Variants in CES5A observed in about 807,000 individuals in gnomAD.
CES5A encodes the protein carboxylesterase 5A.
CES5A carries 67 observed loss-of-function variants against 62.9 expected under a neutral mutation model. The ratio of observed to expected loss-of-function variants is 1.07; its 90% CI spans 0.88 to 1.31. CES5A has a LOEUF of 1.31. Ranked by LOEUF, CES5A falls within the 50% of genes most tolerant of loss-of-function variation. CES5A has a pLI of 0.00. For synonymous variants in CES5A, 296 were observed against 280.8 expected, an observed-to-expected ratio of 1.05 and a Z score of -0.54; for missense variants, 748 against 708.5, an observed-to-expected ratio of 1.06 and a Z score of -0.63.
chr16:55,893,034 C>T (rs2033897223), intron 1 of CES5A, among the ~76,000 whole-genome samples: 1 of 152,162 alleles, frequency 6.6e-6, no homozygotes, highest in Admixed American at 6.5e-5. Context: ...ATGCCAAATA[C>T]AGCCTTCTGG....
chr16:55,872,920 T>C (rs56096019), intron 2 of CES5A, among the ~76,000 whole-genome samples: 3,893 of 152,268 alleles, frequency 0.026, 174 homozygotes, highest in African/African-American at 0.088. Flanking sequence ...GTCCCCAAGC[T>C]TAATGGAGAG....
chr16:55,918,312 G>A (rs1289639750), intron 1 of CES5A, among the ~76,000 whole-genome samples: 2 of 152,170 alleles, frequency 1.3e-5, no homozygotes, highest in Non-Finnish European at 2.9e-5. Flanking sequence ...TTGGTGGCTG[G>A]ATGTGCTGGG....
At chr16:55,946,678 T>C (rs1478339897) in intron 2 of CES5A, among the ~76,000 whole-genome samples, 2 of 152,178 alleles carry the variant, frequency 1.3e-5, no homozygotes, top group Non-Finnish European at 2.9e-5. Flanking sequence ...GCTATTGCCA[T>C]AAGAATGCCA....
intron 1 of CES5A, among the ~76,000 whole-genome samples, chr16:55,874,458 A>G (rs1169502949): frequency 2.7e-5 from 4 of 149,536 alleles, no homozygotes; most frequent in African/African-American, 9.8e-5. Flanking sequence ...TCTGTGCAGC[A>G]CCTGCATGAT....
intron 1 of CES5A, among the ~76,000 whole-genome samples, chr16:55,892,627 C>T (rs1252356707): frequency 6.7e-6 from 1 of 150,252 alleles, no homozygotes; most frequent in African/African-American, 2.4e-5. Context: ...AAATTTTTTT[C>T]AAAATATAAG....
At chr16:55,911,019 G>A (rs1296207717) in intron 1 of CES5A, among the ~76,000 whole-genome samples, 1 of 152,154 alleles carries the variant, frequency 6.6e-6, no homozygotes, top group Non-Finnish European at 1.5e-5. Context: ...CATCCACACT[G>A]TGGCTGCTTT....
Position 55,846,370 on chromosome 16 carries a change from G to A in CES5A, c.*81C>T. 1 of 1,080,774 alleles carries A rather than the reference G, an allele frequency of 9.3e-7. No homozygotes were observed. Among genetic ancestry groups the A allele is most frequent in the Non-Finnish European group, 1.4e-6 (1 of 718,316 alleles). The allele number at this position is 1,080,774 out of a possible 1,614,324, so 66.9% of individuals were successfully genotyped here. A position where few individuals can be genotyped will look rare whatever the true frequency, so the allele number is the denominator to read the frequency against. The stretch of plus-strand genomic sequence containing the variant: ...TTTGCAAGGATCCCCATAGAAAGCA[G>A]CTGAGCTCAGAAAGAAGCTAATGAT... On this transcript the variant is annotated 3_prime_UTR_variant, in exon 13 of 13. Transcript: ENST00000290567.
At chr16:55,871,813 G>A (rs1242698328) in intron 2 of CES5A, 50 bp from the exon 3 acceptor site, 3 of 1,601,710 alleles carry the variant, frequency 1.9e-6, no homozygotes, top group Non-Finnish European at 2.6e-6. Flanking sequence ...CAGCAAACTT[G>A]CCTGGGAAGG....
rs755039115 is a variant in CES5A at position 55,846,503 on chromosome 16, G to C, written c.1676C>G (p.Ser559Cys). The C allele has an allele frequency of 1.2e-6, 2 of 1,614,100 alleles. No individual in the cohort carries two copies. Among genetic ancestry groups the C allele is most frequent in the South Asian group, 2.2e-5 (2 of 91,072 alleles). Residue 559 changes from serine (S) to cysteine (C), a missense_variant, in exon 13 of 13, where the codon TCC becomes TGC. By Grantham distance (112) the Ser-to-Cys change is moderately radical (BLOSUM62 -1). Transcript: ENST00000290567. ...ASDMLHSPLS[S>C]LTFLSLLQPF... ...CTGGAGGAGAGAGAGGAAAGTTAAGGAAGAAAGAGGACTGTGGAGCATGTC... is the reference window on the plus strand; with the variant it reads ...CTGGAGGAGAGAGAGGAAAGTTAAGCAAGAAAGAGGACTGTGGAGCATGTC...
intron 1 of CES5A, among the ~76,000 whole-genome samples, chr16:55,955,268 G>GT (rs1168598351): frequency 6.6e-6 from 1 of 152,030 alleles, no homozygotes; most frequent in Non-Finnish European, 1.5e-5. Flanking sequence ...AAGTAGGGCT[G>GT]TTAGTTTCCT....
chr16:55,848,706 G>A (rs1322923261), intron 11 of CES5A, among the ~76,000 whole-genome samples: 2 of 152,096 alleles, frequency 1.3e-5, no homozygotes, highest in Non-Finnish European at 2.9e-5. Flanking sequence ...GAGCTCTTCA[G>A]ACATCAAGGA....
rs545758915 is a variant in CES5A at position 55,911,073 on chromosome 16, C to T, written c.-256+14250G>A. Among the ~76,000 whole-genome samples, 127 of 152,278 alleles carry T rather than the reference C, an allele frequency of 8.3e-4. 1 individual carries two copies. Among genetic ancestry groups the T allele is most frequent in the African/African-American group, 2.9e-3 (122 of 41,558 alleles). On this transcript the variant is annotated intron_variant, in intron 1 of 12. Coordinates refer to the CES5A transcript ENST00000518005. The stretch of plus-strand genomic sequence containing the variant: ...CCCCACTCATCTGCCAGTGCTCCTG[C>T]CTCCCAAGCAAACTAATTCACTCAG...
intron 1 of CES5A, among the ~76,000 whole-genome samples, chr16:55,951,173 A>T (rs778141907): frequency 6.6e-6 from 1 of 151,626 alleles, no homozygotes; most frequent in African/African-American, 2.4e-5. Flanking sequence ...ACAAGGAAGA[A>T]GAGAAAATTC....
At chr16:55,902,290 C>T (rs1335154338) in intron 1 of CES5A, among the ~76,000 whole-genome samples, 1 of 152,156 alleles carries the variant, frequency 6.6e-6, no homozygotes, top group Non-Finnish European at 1.5e-5. Context: ...TCTTATGTGA[C>T]AACTTCTGTC....
chr16:55,863,552 A>C (rs2033397320), intron 5 of CES5A, 100 bp from the exon 6 acceptor site: 2 of 723,732 alleles, frequency 2.8e-6, no homozygotes, highest in African/African-American at 3.5e-5. Flanking sequence ...GCCTCCTTAA[A>C]AGCTCTAAGC....
intron 1 of CES5A, among the ~76,000 whole-genome samples, chr16:55,912,294 T>C (rs2034101511): frequency 6.6e-6 from 1 of 152,206 alleles, no homozygotes; most frequent in South Asian, 2.1e-4. Context: ...TAAAAATACA[T>C]TCCGACGACA....
chr16:55,954,461 C>T (rs74884251), intron 1 of CES5A, among the ~76,000 whole-genome samples: 2 of 152,302 alleles, frequency 1.3e-5, no homozygotes, highest in East Asian at 3.9e-4. Flanking sequence ...GTCTCTCCCC[C>T]TACACATGCC....
At chr16:55,947,279 C>G (rs959595222) in intron 2 of CES5A, among the ~76,000 whole-genome samples, 25 of 152,164 alleles carry the variant, frequency 1.6e-4, no homozygotes, top group Non-Finnish European at 3.5e-4. Flanking sequence ...TGTCCCACCC[C>G]CTCAGCTTCC....
intron 3 of CES5A, among the ~76,000 whole-genome samples, chr16:55,870,347 A>AGAAGGAG (rs554529472): frequency 6.6e-6 from 1 of 151,780 alleles, no homozygotes; most frequent in South Asian, 2.1e-4. Flanking sequence ...AGAGGAAGGG[A>AGAAGGAG]GAAGGAGGAA....
Sources: gnomAD v4.1 joint callset for allele counts (sites outside exome capture counted in the v4.1 genomes callset) on GRCh38, gnomAD v4.1.1 for gene constraint, MANE v1.5 for transcripts, NCBI Gene and HGNC (gene_info 2026-07-23, HGNC 2026-07-21) for gene names.